The following VPS8 variants were observed in gnomAD, a reference collection of about 807,000 sequenced individuals.
VPS8 encodes the protein vacuolar protein sorting-associated protein 8 homolog.
A neutral mutation model predicts 216.4 loss-of-function variants in VPS8; 129 were observed. The ratio of observed to expected loss-of-function variants is 0.60; its 90% confidence interval spans 0.52 to 0.69. The LOEUF (loss-of-function observed/expected upper bound fraction) is 0.69, where lower values mean the gene tolerates loss of function less well. Among genes scored for constraint, VPS8 ranks in the 30% least tolerant of loss-of-function variants. The pLI, the probability that VPS8 is intolerant of heterozygous loss-of-function variation, is 0.00. For synonymous variants in VPS8, 571 were observed against 565.4 expected (o/e 1.01, Z -0.14); for missense variants, 1,531 against 1,683.5 (o/e 0.91, Z 1.59).
Position 184,970,109 on chromosome 3 carries a change from C to A in VPS8, c.3317-1540C>A, listed in dbSNP as rs192976969. 4.5e-4 allele frequency among the ~76,000 whole-genome samples: 68 copies of A among 151,902 alleles called. No homozygotes were observed. In the East Asian group the frequency reaches 0.011, roughly 23 times the overall value. On this transcript the variant is annotated intron_variant, in intron 39 of 47. Coordinates refer to ENST00000625842, the MANE Select transcript of VPS8 (RefSeq NM_001009921.3). ...TATTTTTAGTAGAGTTGGGGTTCCA[C>A]CATCTTGGCCAGGCTGGTCTCAAAC...
rs1366489095 is a variant in VPS8, at chr3:184,964,501, G to A, written c.3217G>A (p.Ala1073Thr). 3.2e-5 allele frequency: 49 copies of A among 1,518,636 alleles called. No individual in the cohort carries two copies. The highest frequency in any genetic ancestry group is 5.5e-5 in the African/African-American group (4 of 72,168). 94.1% of individuals were successfully genotyped at this position (1,518,636 alleles called of 1,614,324 possible). A position where few individuals can be genotyped will look rare whatever the true frequency, so the allele number is the denominator to read the frequency against. Residue 1073 changes from alanine (A) to threonine (T), a missense_variant, in exon 38 of 48, where the codon GCT (alanine) becomes ACT (threonine). Ala to Thr is a moderately conservative substitution (Grantham distance 58). Around this residue, in one of 3 missense-constraint regions of VPS8, gnomAD observed 1,318 missense variants for 1,468.4 expected, o/e 0.90. Coordinates refer to ENST00000625842, the MANE Select transcript of VPS8 (RefSeq NM_001009921.3). Reference sequence around the variant, plus strand: ...GAAGTATCAACTTCATGAAGTCACCGCTTATCTATTGGAAAAGAAAGGAGA... The same window carrying A: ...GAAGTATCAACTTCATGAAGTCACCACTTATCTATTGGAAAAGAAAGGAGA... ...TQKYQLHEVT[A>T]YLLEKKGDIH...
chr3:184,982,721 G>A lies in VPS8; in HGVS notation c.3502+74G>A, dbSNP rs147647340. 2.9e-5 allele frequency: 36 copies of A among 1,231,376 alleles called. No individual in the cohort carries two copies. In the East Asian group the frequency reaches 7.1e-4, roughly 24 times the overall value. 76.3% of individuals were successfully genotyped at this position (1,231,376 alleles called of 1,614,324 possible). On this transcript the variant is annotated intron_variant, in intron 41 of 47. Transcript: ENST00000625842. ...CAATATTTGTCTGCAGAAACTATCA[G>A]TATAATATCTTTTTCCAATAGCATA...
intron 36 of VPS8, among the ~76,000 whole-genome samples, chr3:184,956,176 A>C (rs1462654905): frequency 6.6e-6 from 1 of 152,210 alleles, no homozygotes; most frequent in Non-Finnish European, 1.5e-5. Context: ...GCTTCTTATT[A>C]GTAAAAGTAG....
At chr3:184,900,294 A>T (rs187584027) in intron 24 of VPS8, among the ~76,000 whole-genome samples, 2 of 152,376 alleles carry the variant, frequency 1.3e-5, no homozygotes, top group East Asian at 1.9e-4. Flanking sequence ...AGTAATAAGC[A>T]TCTCTGCTGA....
intron 40 of VPS8, chr3:184,982,273 G>T: frequency 3.2e-6 from 1 of 317,220 alleles, no homozygotes; most frequent in Non-Finnish European, 5.7e-6. Flanking sequence ...CCTCCCCTGA[G>T]ACACATAAGA....
intron 41 of VPS8, 72 bp from the exon 42 acceptor site, chr3:184,982,940 C>G (rs1251101711): frequency 7.5e-7 from 1 of 1,340,518 alleles, no homozygotes; most frequent in African/African-American, 1.5e-5. Context: ...CACTGTTTTT[C>G]CACAGACTTA....
intron 1 of VPS8, chr3:184,816,228 A>G (rs918280469): frequency 1.3e-5 from 2 of 152,198 alleles, no homozygotes; most frequent in African/African-American, 4.8e-5. Flanking sequence ...GAATTTCTAC[A>G]TTATCTAGAT....
In VPS8 at chr3:184,915,023, T is replaced by A; in HGVS notation, c.2232T>A (p.Pro744=). Residue 744 remains proline (P), a synonymous_variant, in exon 27 of 48, where the codon CCT becomes CCA. Coordinates refer to ENST00000625842, the MANE Select transcript of VPS8 (RefSeq NM_001009921.3). ...GTGCCTATCCCCTTGGTGACATCCC[T>A]GAAGATCTGGTTCCCTTGGTTAAAA... The part of the protein sequence containing the change: ...AGRAYPLGDI[P]EDLVPLVKNQ... 1 of 1,614,048 alleles carries A rather than the reference T, an allele frequency of 6.2e-7. No homozygotes were observed. The highest frequency in any genetic ancestry group is 8.5e-7 in the Non-Finnish European group (1 of 1,179,888).
At chr3:184,825,980 C>A (rs920586358) in intron 2 of VPS8, among the ~76,000 whole-genome samples, 183 bp from the exon 3 acceptor site, 1 of 151,528 alleles carries the variant, frequency 6.6e-6, no homozygotes, top group Non-Finnish European at 1.5e-5. Context: ...GGTAACTGAA[C>A]GTGTAGATAG....
At chr3:184,981,463 T>C (rs1459699955) in intron 40 of VPS8, among the ~76,000 whole-genome samples, 1 of 144,562 alleles carries the variant, frequency 6.9e-6, no homozygotes, top group Admixed American at 7.1e-5. Context: ...GACCGAGTCT[T>C]GCTCTTCTTG....
In VPS8 at chr3:184,953,597, A is replaced by G. The variant is rs183090722; in HGVS notation, c.3036-3777A>G. ...TGAGTTCTGCATGACAGTGGTTGGC[A>G]TTTTCCATCTGGTTGTGGTGCAGGT... is the stretch of plus-strand genomic sequence containing the variant. On this transcript the variant is annotated intron_variant, in intron 36 of 47. Transcript: ENST00000625842. 2.4e-4 allele frequency among the ~76,000 whole-genome samples: 37 copies of G among 152,298 alleles called. No homozygotes were observed. In the East Asian group the frequency reaches 6.7e-3, roughly 28 times the overall value.
intron 40 of VPS8, among the ~76,000 whole-genome samples, chr3:184,974,387 C>T (rs1445747707): frequency 6.6e-6 from 1 of 152,048 alleles, no homozygotes; most frequent in Non-Finnish European, 1.5e-5. Context: ...ATGCTTTGCC[C>T]ACTTTTTAAT....
chr3:184,937,866 C>CT (rs893882365), intron 35 of VPS8, among the ~76,000 whole-genome samples: 59 of 152,240 alleles, frequency 3.9e-4, no homozygotes, highest in African/African-American at 1.4e-3. Flanking sequence ...AGGAGCTAAA[C>CT]TAGAGGGGTT....
rs1187553871 is a variant in VPS8 at position 185,051,945 on chromosome 3, A to G, written c.4207A>G (p.Ser1403Gly). The G allele has an allele frequency of 1.2e-6, 2 of 1,613,624 alleles. No homozygotes were observed. The highest frequency in any genetic ancestry group is 1.7e-6 in the Non-Finnish European group (2 of 1,179,744). ...CTATAGGCCATTCAGTGGCTCGCAG[A>G]GTGCTCCTGCTTTCAACAGCATCTT... is the stretch of plus-strand genomic sequence containing the variant. The part of the protein sequence containing the change: ...ESYRPFSGSQ[S>G]APAFNSIFQN... Residue 1403 changes from serine (S) to glycine (G), a missense_variant, in exon 48 of 48, where the codon AGT becomes GGT. Around this residue, in one of 3 missense-constraint regions of VPS8, gnomAD observed 1,318 missense variants for 1,468.4 expected, o/e 0.90. Coordinates refer to ENST00000625842, the MANE Select transcript of VPS8 (RefSeq NM_001009921.3).
intron 42 of VPS8, 78 bp from the exon 43 acceptor site, chr3:184,993,905 G>T: frequency 8.9e-7 from 1 of 1,120,680 alleles, no homozygotes. Context: ...AAAAGCATTT[G>T]GCTTTTTCAG....
chr3:184,965,710 G>T (rs76199545), intron 38 of VPS8, among the ~76,000 whole-genome samples: 1,968 of 152,272 alleles, frequency 0.013, 19 homozygotes, highest in Non-Finnish European at 0.022. Flanking sequence ...TAAAGACTAC[G>T]CTGGTGACTG....
At chr3:184,843,764 A>G (rs1256284758) in intron 8 of VPS8, among the ~76,000 whole-genome samples, 2 of 152,238 alleles carry the variant, frequency 1.3e-5, no homozygotes, top group Admixed American at 6.5e-5. Context: ...GTTTTTCTAA[A>G]TCATCCCATT....
intron 43 of VPS8, among the ~76,000 whole-genome samples, chr3:184,995,113 A>G (rs567561696): frequency 6.6e-6 from 1 of 152,320 alleles, no homozygotes; most frequent in African/African-American, 2.4e-5. Flanking sequence ...GCCAAACCGT[A>G]TCACCATAAA....
At chr3:184,941,335 C>T (rs931570142) in intron 36 of VPS8, among the ~76,000 whole-genome samples, 10 of 148,860 alleles carry the variant, frequency 6.7e-5, no homozygotes, top group African/African-American at 2.2e-4. Context: ...GATTACAAAG[C>T]CCCCTCCACT....
Sources: gnomAD v4.1 joint callset for allele counts (sites outside exome capture counted in the v4.1 genomes callset) on GRCh38, gnomAD v4.1.1 for gene constraint, gnomAD v4.1.1 regional missense constraint, MANE v1.5 for transcripts, NCBI Gene and HGNC (gene_info 2026-07-23, HGNC 2026-07-21) for gene names.